STPG2: variants seen among roughly 807,000 people sequenced by gnomAD.
The protein encoded by STPG2 is sperm tail PG-rich repeat containing 2.
Under a neutral mutation model 54.2 loss-of-function variants are expected in STPG2, and 56 were observed. The observed-to-expected ratio is 1.03, with a 90% CI of 0.83 to 1.29. The LOEUF (loss-of-function observed/expected upper bound fraction) is 1.29. STPG2 is among the 50% of genes most tolerant of loss of function. The pLI is 0.00. For missense variants in STPG2, 596 were observed against 544.9 expected (o/e 1.09, Z -0.93); for synonymous variants, 200 against 181.8 (o/e 1.10, Z -0.81).
chr4:97,922,861 A>C (rs1181372004), intron 8 of STPG2, among the ~76,000 whole-genome samples: 1 of 151,036 alleles, frequency 6.6e-6, no homozygotes, highest in African/African-American at 2.5e-5. Context: ...TCCCGGTGTC[A>C]TTATGTACCC....
chr4:97,743,003 C>T (rs891451145), intron 9 of STPG2, among the ~76,000 whole-genome samples: 4 of 151,552 alleles, frequency 2.6e-5, no homozygotes, highest in Middle Eastern at 3.4e-3. Context: ...TATAAAACAT[C>T]ATGTTGTATA....
At chr4:97,628,810 A>G (rs1383731406) in intron 10 of STPG2, among the ~76,000 whole-genome samples, 1 of 152,086 alleles carries the variant, frequency 6.6e-6, no homozygotes, top group Non-Finnish European at 1.5e-5. Context: ...TGATAGATAA[A>G]ATAATATTGA....
chr4:97,545,751 G>A (rs111268278), intron 4 of STPG2, among the ~76,000 whole-genome samples: 1 of 152,132 alleles, frequency 6.6e-6, no homozygotes, highest in African/African-American at 2.4e-5. Context: ...CTAACAATAT[G>A]AGGTAATTAA....
At chr4:98,093,834 A>ACC (rs1252747524) in intron 5 of STPG2, among the ~76,000 whole-genome samples, 1 of 152,186 alleles carries the variant, frequency 6.6e-6, no homozygotes, top group African/African-American at 2.4e-5. Flanking sequence ...CTCAGCCAGC[A>ACC]CCCATGCATA....
intron 8 of STPG2, among the ~76,000 whole-genome samples, chr4:97,865,915 T>TA (rs534095806): frequency 6.6e-6 from 1 of 151,790 alleles, no homozygotes; most frequent in African/African-American, 2.4e-5. Context: ...TAGGTAGCCA[T>TA]AAAAAAGTGT....
intron 2 of STPG2, among the ~76,000 whole-genome samples, chr4:98,133,325 G>T (rs761853000): frequency 2.0e-5 from 3 of 151,968 alleles, no homozygotes; most frequent in Non-Finnish European, 4.4e-5. Context: ...GCATTTGATT[G>T]ATCAGCTAAG....
intron 10 of STPG2, among the ~76,000 whole-genome samples, chr4:97,648,285 G>T (rs1465314662): frequency 2.6e-5 from 4 of 152,140 alleles, no homozygotes; most frequent in African/African-American, 9.7e-5. Context: ...CCATCCCTCA[G>T]TCGTGGGCTA....
In STPG2 at chr4:97,646,107, G is replaced by T. The variant is rs572743041; in HGVS notation, c.1320+66592C>A. Among the ~76,000 whole-genome samples the T allele has an allele frequency of 8.5e-5, 13 of 152,204 alleles. No individual in the cohort carries two copies. In the South Asian group the frequency reaches 2.7e-3, roughly 32 times the overall value. On this transcript the variant is annotated intron_variant, in intron 10 of 10. Transcript: ENST00000295268. ...ATGTGCAATCCATCACAAGCTCTAT[G>T]CTGGTTTAAGTAGACCCTAACTTGG...
intron 4 of STPG2, among the ~76,000 whole-genome samples, chr4:97,524,406 C>A (rs933425836): frequency 6.6e-6 from 1 of 151,828 alleles, no homozygotes; most frequent in Admixed American, 6.6e-5. Context: ...TTCTTGAAAG[C>A]AAATTTAAAA....
intron 9 of STPG2, among the ~76,000 whole-genome samples, chr4:97,753,781 G>A (rs1725652439): frequency 6.6e-6 from 1 of 151,922 alleles, no homozygotes; most frequent in Non-Finnish European, 1.5e-5. Flanking sequence ...GTCTTTTCAT[G>A]TGTTTGTTAA....
intron 8 of STPG2, among the ~76,000 whole-genome samples, chr4:97,928,143 G>C (rs1049619036): frequency 6.6e-6 from 1 of 152,080 alleles, no homozygotes; most frequent in Non-Finnish European, 1.5e-5. Flanking sequence ...TTTTCTTTGA[G>C]ACTACCCACT....
At chr4:97,983,778 A>G (rs895148430) in intron 5 of STPG2, among the ~76,000 whole-genome samples, 5 of 152,306 alleles carry the variant, frequency 3.3e-5, no homozygotes, top group African/African-American at 1.2e-4. Context: ...CATTTAGCAG[A>G]CAGAGCTAGG....
At chr4:97,997,770 A>C (rs1735290132) in intron 5 of STPG2, among the ~76,000 whole-genome samples, 1 of 152,160 alleles carries the variant, frequency 6.6e-6, no homozygotes, top group Non-Finnish European at 1.5e-5. Flanking sequence ...AGAAAACCAA[A>C]TACTACATGT....
At chr4:97,486,401 A>C (rs1730360191) in intron 4 of STPG2, among the ~76,000 whole-genome samples, 1 of 151,900 alleles carries the variant, frequency 6.6e-6, no homozygotes. Flanking sequence ...ACAAATGACC[A>C]ACAAAAATGA....
chr4:97,983,675 G>A (rs1471792287), intron 5 of STPG2, among the ~76,000 whole-genome samples: 2 of 152,216 alleles, frequency 1.3e-5, no homozygotes, highest in South Asian at 2.1e-4. Flanking sequence ...TTTCTCTGAG[G>A]AATCCTTTTT....
chr4:97,880,164 T>C (rs189725437), intron 8 of STPG2, among the ~76,000 whole-genome samples: 11 of 152,254 alleles, frequency 7.2e-5, no homozygotes, highest in Non-Finnish European at 1.3e-4. Context: ...CAGATGGAAC[T>C]GGAAGATATT....
intron 4 of STPG2, among the ~76,000 whole-genome samples, chr4:97,548,305 A>G (rs1333855665): frequency 1.3e-5 from 2 of 152,228 alleles, no homozygotes; most frequent in Non-Finnish European, 2.9e-5. Flanking sequence ...AGGCAGATAG[A>G]TAGAAGAAAA....
chr4:97,912,778 A>G (rs1327314206), intron 8 of STPG2, among the ~76,000 whole-genome samples: 4 of 152,258 alleles, frequency 2.6e-5, no homozygotes, highest in Admixed American at 6.5e-5. Flanking sequence ...GCAGGATATC[A>G]TCTAGGAGAT....
At chr4:97,736,042 T>C (rs934751251) in intron 9 of STPG2, among the ~76,000 whole-genome samples, 1 of 152,190 alleles carries the variant, frequency 6.6e-6, no homozygotes, top group Non-Finnish European at 1.5e-5. Context: ...ATAAAAGGTA[T>C]GTGTTAGTGA....
Sources: gnomAD v4.1 joint callset for allele counts (sites outside exome capture counted in the v4.1 genomes callset) on GRCh38, gnomAD v4.1.1 for gene constraint, MANE v1.5 for transcripts, NCBI Gene and HGNC (gene_info 2026-07-23, HGNC 2026-07-21) for gene names.